Variants in ST3GAL3 observed in about 807,000 individuals in gnomAD.
ST3GAL3 encodes CMP-N-acetylneuraminate-beta-1,4-galactoside alpha-2,3-sialyltransferase.
In ST3GAL3, 21 loss-of-function variants were observed where a neutral mutation model predicts 50.1. The observed-to-expected ratio is 0.42, with a 90% confidence interval of 0.30 to 0.60. ST3GAL3 has a LOEUF of 0.60. Ranked by LOEUF, ST3GAL3 falls within the 20% of genes least tolerant of loss-of-function variation. The pLI, the probability that ST3GAL3 is intolerant of heterozygous loss-of-function variation, is 0.19. For synonymous variants in ST3GAL3, 183 were observed against 190.0 expected (o/e 0.96, Z 0.30); for missense variants, 353 against 489.4 (o/e 0.72, Z 2.63).
chr1:43,901,925 G>A (rs1048399843), intron 9 of ST3GAL3, among the ~76,000 whole-genome samples: 1 of 152,194 alleles, frequency 6.6e-6, no homozygotes, highest in African/African-American at 2.4e-5. Context: ...GAGGAATGCC[G>A]GGGTTGCCCG....
chr1:43,795,872 G>A (rs1416507082), intron 3 of ST3GAL3, among the ~76,000 whole-genome samples: 1 of 152,188 alleles, frequency 6.6e-6, no homozygotes, highest in Non-Finnish European at 1.5e-5. Context: ...AACTGGCAGT[G>A]AGTTTCCTAT....
chr1:43,894,342 G>A (rs758704381), intron 5 of ST3GAL3, 41 bp from the exon 6 acceptor site: 25 of 1,596,936 alleles, frequency 1.6e-5, no homozygotes, highest in Admixed American at 3.3e-5. Context: ...AATCCAGACT[G>A]TTGCGTTTTT....
intron 11 of ST3GAL3, among the ~76,000 whole-genome samples, chr1:43,926,491 G>A (rs1244497073): frequency 6.6e-6 from 1 of 151,806 alleles, no homozygotes; most frequent in Admixed American, 6.6e-5. Flanking sequence ...CGGGAGGCTG[G>A]GGCAGGAGAA....
intron 2 of ST3GAL3, among the ~76,000 whole-genome samples, chr1:43,757,885 G>A (rs936537223): frequency 6.6e-6 from 1 of 152,046 alleles, no homozygotes; most frequent in African/African-American, 2.4e-5. Flanking sequence ...CTACAACAAA[G>A]GTCTTGTACT....
At chr1:43,921,842 CA>C (rs1437932575) in intron 11 of ST3GAL3, 1 of 398,426 alleles carries the variant, frequency 2.5e-6, no homozygotes. Flanking sequence ...TCACCCCTTG[CA>C]GCCTGGCTCC....
At chr1:43,843,307 A>G (rs2065718865) in intron 5 of ST3GAL3, among the ~76,000 whole-genome samples, 1 of 152,178 alleles carries the variant, frequency 6.6e-6, no homozygotes, top group Non-Finnish European at 1.5e-5. Context: ...ATTTTGTCAA[A>G]TGCTTTTTCT....
chr1:43,871,126 C>G (rs77583934), intron 5 of ST3GAL3, among the ~76,000 whole-genome samples: 1 of 152,186 alleles, frequency 6.6e-6, no homozygotes, highest in East Asian at 1.9e-4. Flanking sequence ...CAGAAGGGAG[C>G]AGCCATGGCC....
In ST3GAL3 at chr1:43,930,526, C is replaced by G; in HGVS notation, c.*305C>G. ...CTGCTGCCGGAATCACTTCTCCAATCAGTGTTTGGTGTATTATCATTTTGT... is the reference window on the plus strand; with the variant it reads ...CTGCTGCCGGAATCACTTCTCCAATGAGTGTTTGGTGTATTATCATTTTGT... On this transcript the variant is annotated 3_prime_UTR_variant, in exon 12 of 12. Transcript: ENST00000347631. The G allele has an allele frequency of 2.0e-6, 1 of 509,558 alleles. No individual in the cohort carries two copies. Among genetic ancestry groups the G allele is most frequent in the Non-Finnish European group, 3.6e-6 (1 of 279,702 alleles). 31.6% of individuals were successfully genotyped at this position (509,558 alleles called of 1,614,324 possible).
At chr1:43,793,213 T>A (rs1220318897) in intron 3 of ST3GAL3, among the ~76,000 whole-genome samples, 1 of 152,142 alleles carries the variant, frequency 6.6e-6, no homozygotes, top group Non-Finnish European at 1.5e-5. Flanking sequence ...CAATCGCTTT[T>A]TATTTTTATT....
intron 5 of ST3GAL3, among the ~76,000 whole-genome samples, chr1:43,884,883 G>T (rs1004946007): frequency 6.6e-6 from 1 of 152,186 alleles, no homozygotes; most frequent in Non-Finnish European, 1.5e-5. Flanking sequence ...TTTCAGTTGG[G>T]TTGGTAGGAA....
intron 2 of ST3GAL3, among the ~76,000 whole-genome samples, chr1:43,755,800 T>C (rs1687825350): frequency 6.6e-6 from 1 of 152,038 alleles, no homozygotes; most frequent in South Asian, 2.1e-4. Context: ...AATTAAAAAT[T>C]GATAAACTTT....
chr1:43,722,464 A>G (rs752797105), intron 1 of ST3GAL3, among the ~76,000 whole-genome samples: 2 of 152,208 alleles, frequency 1.3e-5, no homozygotes, highest in Admixed American at 6.5e-5. Context: ...GAAATGTATG[A>G]AGTTTAAGCC....
intron 5 of ST3GAL3, among the ~76,000 whole-genome samples, chr1:43,866,720 G>T (rs2071410222): frequency 6.6e-6 from 1 of 152,156 alleles, no homozygotes; most frequent in South Asian, 2.1e-4. Context: ...GGTTTGGTAT[G>T]TTTGGCACAT....
intron 4 of ST3GAL3, among the ~76,000 whole-genome samples, chr1:43,825,940 T>C (rs2062738643): frequency 6.6e-6 from 1 of 151,970 alleles, no homozygotes; most frequent in African/African-American, 2.4e-5. Context: ...ATTACTAATA[T>C]CAGAAGTGAA....
chr1:43,765,810 T>TGCGCGCGTCCGCGCGC (rs1692666626), intron 2 of ST3GAL3, among the ~76,000 whole-genome samples: 1 of 146,474 alleles, frequency 6.8e-6, no homozygotes, highest in African/African-American at 2.7e-5. Context: ...CGTCCGCGCG[T>TGCGCGCGTCCGCGCGC]CCGCGTGCGC....
intron 6 of ST3GAL3, chr1:43,896,961 G>A (rs1355718479): frequency 6.7e-6 from 1 of 149,990 alleles, no homozygotes; most frequent in Non-Finnish European, 1.5e-5. Context: ...GTGTATATGT[G>A]TATGTATATT....
At chr1:43,754,011 T>TA (rs1471729284) in intron 2 of ST3GAL3, among the ~76,000 whole-genome samples, 1 of 152,184 alleles carries the variant, frequency 6.6e-6, no homozygotes, top group East Asian at 1.9e-4. Context: ...TCTGTACGTA[T>TA]ATGCACCAAA....
intron 5 of ST3GAL3, among the ~76,000 whole-genome samples, chr1:43,844,957 C>T (rs955049532): frequency 4.6e-5 from 7 of 152,136 alleles, no homozygotes; most frequent in Non-Finnish European, 7.3e-5. Context: ...ATTTCATAGC[C>T]TGCACATCTT....
intron 5 of ST3GAL3, among the ~76,000 whole-genome samples, chr1:43,866,175 T>A (rs2071278665): frequency 6.6e-6 from 1 of 152,262 alleles, no homozygotes; most frequent in Non-Finnish European, 1.5e-5. Context: ...CTTGGAAGTT[T>A]CTTTTTCTTC....
Sources: allele counts gnomAD v4.1 joint callset (sites outside exome capture counted in the v4.1 genomes callset), GRCh38; gene constraint gnomAD v4.1.1; transcripts MANE v1.5; gene names NCBI Gene and HGNC (gene_info 2026-07-23, HGNC 2026-07-21).